Variants in SYT1 observed in about 807,000 individuals in gnomAD.
SYT1 encodes the protein synaptotagmin 1.
In SYT1, 8 loss-of-function variants were observed where a neutral mutation model predicts 44.8. The ratio of observed to expected loss-of-function variants is 0.18; its 90% CI spans 0.10 to 0.32. The LOEUF (loss-of-function observed/expected upper bound fraction) is 0.32, where lower values mean the gene tolerates loss of function less well. Ranked by LOEUF, SYT1 falls within the 10% of genes least tolerant of loss-of-function variation. The pLI is 1.00. For missense variants in SYT1, 286 were observed against 509.3 expected (o/e 0.56, Z 4.22); for synonymous variants, 154 against 188.8 (o/e 0.82, Z 1.51).
intron 2 of SYT1, among the ~76,000 whole-genome samples, chr12:78,981,835 T>G (rs927737989): frequency 1.3e-5 from 2 of 152,198 alleles, no homozygotes; most frequent in Non-Finnish European, 2.9e-5. Flanking sequence ...AAGAATATTT[T>G]GTTGTATTTG....
chr12:78,865,480 C>T (rs1394961077), intron 1 of SYT1, among the ~76,000 whole-genome samples: 2 of 152,018 alleles, frequency 1.3e-5, no homozygotes, highest in East Asian at 3.9e-4. Context: ...GTTTCTTTCT[C>T]CTCCTGGAGA....
At chr12:78,989,676 G>A (rs1163557115) in intron 2 of SYT1, among the ~76,000 whole-genome samples, 4 of 152,110 alleles carry the variant, frequency 2.6e-5, no homozygotes, top group Non-Finnish European at 5.9e-5. Flanking sequence ...TTCCTCCAGA[G>A]CTACAGCAAA....
At chr12:79,015,433 A>G (rs1432424383) in intron 2 of SYT1, among the ~76,000 whole-genome samples, 2 of 152,100 alleles carry the variant, frequency 1.3e-5, no homozygotes, top group African/African-American at 2.4e-5. Context: ...GTGCACATCA[A>G]TTTATACCAT....
chr12:79,210,938 T>TC (rs1874407269), intron 3 of SYT1, among the ~76,000 whole-genome samples: 1 of 151,980 alleles, frequency 6.6e-6, no homozygotes, highest in Middle Eastern at 3.2e-3. Context: ...TTAAAGTTTT[T>TC]TTTTTTTTTT....
intron 3 of SYT1, among the ~76,000 whole-genome samples, chr12:79,175,703 T>C (rs1207150497): frequency 2.0e-5 from 3 of 152,030 alleles, no homozygotes; most frequent in Non-Finnish European, 4.4e-5. Context: ...AGAGACAATT[T>C]CATCATCTTA....
At chr12:79,078,343 T>C (rs1313544620) in intron 3 of SYT1, among the ~76,000 whole-genome samples, 1 of 152,160 alleles carries the variant, frequency 6.6e-6, no homozygotes, top group Non-Finnish European at 1.5e-5. Context: ...CAGTGTCTTC[T>C]CTAGCAGAGG....
chr12:79,329,053 G>A (rs956446344), intron 8 of SYT1, among the ~76,000 whole-genome samples: 5 of 152,028 alleles, frequency 3.3e-5, no homozygotes, highest in East Asian at 1.9e-4. Context: ...ATAACAAACC[G>A]CTACAATCAT....
intron 3 of SYT1, among the ~76,000 whole-genome samples, chr12:79,087,905 C>T (rs1156840062): frequency 6.6e-6 from 1 of 151,994 alleles, no homozygotes; most frequent in Non-Finnish European, 1.5e-5. Context: ...ACAGAAACTC[C>T]CTGAGATACA....
At chr12:79,059,338 C>A (rs1875202421) in intron 3 of SYT1, among the ~76,000 whole-genome samples, 1 of 152,014 alleles carries the variant, frequency 6.6e-6, no homozygotes, top group African/African-American at 2.4e-5. Context: ...ATAACTGCTT[C>A]ATTTTTTCTA....
At chr12:78,927,747 T>G (rs1484651078) in intron 1 of SYT1, among the ~76,000 whole-genome samples, 1 of 152,186 alleles carries the variant, frequency 6.6e-6, no homozygotes, top group East Asian at 1.9e-4. Flanking sequence ...AAGGCTTCCG[T>G]TGCTACAGTT....
intron 2 of SYT1, among the ~76,000 whole-genome samples, chr12:79,018,339 G>A (rs1047592237): frequency 4.1e-5 from 6 of 147,788 alleles, no homozygotes; most frequent in East Asian, 2.0e-4. Flanking sequence ...CACCAGGGAC[G>A]GTTGTGGGGT....
intron 9 of SYT1, among the ~76,000 whole-genome samples, chr12:79,376,104 C>T (rs1482478790): frequency 6.6e-6 from 1 of 152,196 alleles, no homozygotes; most frequent in East Asian, 1.9e-4. Context: ...CACTGAGACG[C>T]ACTTCCTCCA....
rs890630523 is a variant in SYT1, at chr12:79,450,926, T to A, written c.*1802T>A. ...ATTCACTTCTGTGATCCATTTTAAT[T>A]TCCAGGCCACAAGACAGTAGTGATG... On this transcript the variant is annotated 3_prime_UTR_variant, in exon 11 of 11. Coordinates refer to ENST00000261205, the MANE Select transcript of SYT1 (RefSeq NM_005639.3). 1 of 152,654 alleles carries A rather than the reference T, an allele frequency of 6.6e-6. No individual in the cohort carries two copies. The highest frequency in any genetic ancestry group is 1.5e-5 in the Non-Finnish European group (1 of 68,042). The allele number at this position is 152,654 out of a possible 1,614,324, so 9.5% of individuals were successfully genotyped here. A position where few individuals can be genotyped will look rare whatever the true frequency, so the allele number is the denominator to read the frequency against.
intron 3 of SYT1, among the ~76,000 whole-genome samples, chr12:79,184,976 A>G (rs775679405): frequency 2.0e-5 from 3 of 152,062 alleles, no homozygotes; most frequent in Admixed American, 6.6e-5. Flanking sequence ...ATAAAACTGC[A>G]TGAGCTGTGT....
chr12:79,165,878 A>C (rs1450806104), intron 3 of SYT1, among the ~76,000 whole-genome samples: 1 of 152,004 alleles, frequency 6.6e-6, no homozygotes, highest in Non-Finnish European at 1.5e-5. Flanking sequence ...TATTCTAGGA[A>C]ACTTAAATTT....
At chr12:79,215,051 A>G (rs1874701411) in intron 3 of SYT1, among the ~76,000 whole-genome samples, 1 of 152,050 alleles carries the variant, frequency 6.6e-6, no homozygotes, top group Admixed American at 6.6e-5. Flanking sequence ...GTTTTACCCA[A>G]GTTGTATCAA....
chr12:79,043,953 C>T (rs1451388348), intron 2 of SYT1, among the ~76,000 whole-genome samples: 1 of 152,170 alleles, frequency 6.6e-6, no homozygotes, highest in African/African-American at 2.4e-5. Context: ...TGAATATTGG[C>T]CCCCACTCTC....
chr12:79,092,643 T>G (rs1320905570), intron 3 of SYT1, among the ~76,000 whole-genome samples: 2 of 151,828 alleles, frequency 1.3e-5, no homozygotes, highest in African/African-American at 2.4e-5. Flanking sequence ...GGTTAGTAGT[T>G]TTTTGAGTTC....
intron 3 of SYT1, among the ~76,000 whole-genome samples, chr12:79,115,789 G>A (rs1879245209): frequency 6.6e-6 from 1 of 152,202 alleles, no homozygotes; most frequent in Non-Finnish European, 1.5e-5. Flanking sequence ...ACAGTCAACT[G>A]TTCCTTTATT....
Sources: gnomAD v4.1 joint callset for allele counts (sites outside exome capture counted in the v4.1 genomes callset) on GRCh38, gnomAD v4.1.1 for gene constraint, MANE v1.5 for transcripts, NCBI Gene and HGNC (gene_info 2026-07-23, HGNC 2026-07-21) for gene names.